The following SLC19A1 variants were observed in gnomAD, a reference collection of about 807,000 sequenced individuals.
SLC19A1 encodes the protein reduced folate transporter.
In SLC19A1, 37 loss-of-function variants were observed where a neutral mutation model predicts 35.3. That is an observed-to-expected ratio of 1.05 (90% CI 0.81 to 1.38). SLC19A1 has a LOEUF of 1.38. Among genes scored for constraint, SLC19A1 ranks in the 40% most tolerant of loss-of-function variants. The pLI is 0.00. For synonymous variants in SLC19A1, 460 were observed against 398.5 expected, an observed-to-expected ratio of 1.15 and a Z score of -1.84; for missense variants, 831 against 826.9, an observed-to-expected ratio of 1.00 and a Z score of -0.06.
chr21:45,542,880 G>A (rs36230821), upstream of SLC19A1, among the ~76,000 whole-genome samples: 236 of 150,074 alleles, frequency 1.6e-3, 2 homozygotes, highest in African/African-American at 5.4e-3. Context: ...ATTCCTGGCC[G>A]CAAGCTGGAT....
At chr21:45,557,317 C>T (rs747018334) in intron 1 of SLC19A1, among the ~76,000 whole-genome samples, 7 of 152,196 alleles carry the variant, frequency 4.6e-5, no homozygotes, top group Non-Finnish European at 5.9e-5. Context: ...CCTCGTGACA[C>T]CCTGGAGTCC....
chr21:45,525,672 TG>T, intron 5 of SLC19A1, 144 bp downstream of exon 5: 1 of 833,732 alleles, frequency 1.2e-6, no homozygotes, highest in Non-Finnish European at 1.9e-6. Context: ...CTCGCTGGCC[TG>T]GTGTGTCCCA....
chr21:45,512,170 G>A (rs1406375760), downstream of SLC19A1: 3 of 1,605,620 alleles, frequency 1.9e-6, no homozygotes, highest in Non-Finnish European at 2.5e-6. Flanking sequence ...TTGACTGACG[G>A]CCCGGCGCGT....
intron 5 of SLC19A1, among the ~76,000 whole-genome samples, chr21:45,520,157 A>T (rs893679825): frequency 2.0e-5 from 3 of 152,202 alleles, no homozygotes; most frequent in Admixed American, 6.5e-5. Flanking sequence ...ACAGCCTATT[A>T]AGATTTGTGG....
chr21:45,510,127 T>G (rs764313941), downstream of SLC19A1: 1 of 1,599,998 alleles, frequency 6.3e-7, no homozygotes, highest in South Asian at 1.1e-5. Context: ...CGGGGCCGAC[T>G]TCCAGTGCTT....
chr21:45,546,126 A>C (rs1016299655), upstream of SLC19A1, among the ~76,000 whole-genome samples: 2 of 152,260 alleles, frequency 1.3e-5, no homozygotes, highest in Non-Finnish European at 2.9e-5. Flanking sequence ...ACTAGCCCCA[A>C]GCCCAGGCCT....
At chr21:45,506,133 G>A in intron 3 of SLC19A1, 1 of 1,091,296 alleles carries the variant, frequency 9.2e-7, no homozygotes, top group Non-Finnish European at 1.3e-6. Context: ...ATACTTTTGT[G>A]AGCAGTTTTG....
chr21:45,510,157 G>A (rs1361373022), downstream of SLC19A1: 1 of 1,596,578 alleles, frequency 6.3e-7, no homozygotes, highest in Non-Finnish European at 8.5e-7. Context: ...GCGGGCCGTG[G>A]GGCTGGCGGG....
chr21:45,553,105 G>A (rs981233650), intron 1 of SLC19A1, among the ~76,000 whole-genome samples: 1 of 152,220 alleles, frequency 6.6e-6, no homozygotes, highest in African/African-American at 2.4e-5. Flanking sequence ...CAGGACCGGA[G>A]CGGGGGCCTC....
chr21:45,537,920 CG>C lies in SLC19A1; in HGVS notation c.39del (p.Val14TrpfsTer190), dbSNP rs1455959062. ...AGCTCGGGGTCAGGCCCAGGTTCCA[CG>C]GGCACCTGCTTCTCCACCGCTGGGC... ...PSSPAVEKQVPVEPGPDPELR... is the reference protein window; with the variant it reads ...PSSPAVEKQVXVEPGPDPELR... On this transcript the variant is annotated frameshift_variant, in exon 2 of 6. Transcript: ENST00000311124. LOFTEE classifies it high-confidence loss of function. 2.5e-6 allele frequency: 4 copies of C among 1,589,584 alleles called. No individual in the cohort carries two copies. In the African/African-American group the frequency reaches 4.0e-5, roughly 16 times the overall value.
chr21:45,524,178 T>C (rs1263602687), intron 5 of SLC19A1, among the ~76,000 whole-genome samples: 3 of 103,968 alleles, frequency 2.9e-5, no homozygotes, highest in African/African-American at 4.0e-5. Context: ...TCACCCTGAG[T>C]GTTCACGCCT....
intron 1 of SLC19A1, among the ~76,000 whole-genome samples, chr21:45,538,930 G>A (rs368318632): frequency 6.6e-6 from 1 of 152,260 alleles, no homozygotes; most frequent in South Asian, 2.1e-4. Context: ...GCAGCAGCAC[G>A]AAGCACACTC....
chr21:45,528,681 T>C (rs1419573978), intron 4 of SLC19A1, among the ~76,000 whole-genome samples: 1 of 152,196 alleles, frequency 6.6e-6, no homozygotes, highest in East Asian at 1.9e-4. Flanking sequence ...GAAACAAAAA[T>C]GTAGGTAGAA....
downstream of SLC19A1, among the ~76,000 whole-genome samples, chr21:45,510,679 TCTGTGGCCCCTTTTCGTGCACTGGG>T: frequency 1.3e-5 from 2 of 152,304 alleles, no homozygotes; most frequent in African/African-American, 4.8e-5. Flanking sequence ...GTGGCTTTAT[TCTGTGGCCCCTTTTCGTGCACTGGG>T]CTGTGGCTTC....
downstream of SLC19A1, chr21:45,510,118 G>A (rs745771086): frequency 7.5e-6 from 12 of 1,597,672 alleles, no homozygotes; most frequent in African/African-American, 1.3e-5. Flanking sequence ...GGGCATCCGC[G>A]GGGCCGACTT....
chr21:45,522,108 C>T (rs1233717382), intron 5 of SLC19A1, among the ~76,000 whole-genome samples: 1 of 151,892 alleles, frequency 6.6e-6, no homozygotes, highest in African/African-American at 2.4e-5. Flanking sequence ...CTGGAATACA[C>T]AAACCATGCT....
rs982120136 is a variant in SLC19A1 at position 45,537,785 on chromosome 21, A to C, written c.175T>G (p.Phe59Val). Reference protein sequence around the residue: ...TPYLLGPDKNFTREQVTNEIT... With the variant: ...TPYLLGPDKNVTREQVTNEIT... ...CACCCACATGCCTGCTCCCGCGTGA[A>C]GTTCTTGTCGGGCCCCAGGAGGTAG... Residue 59 changes from phenylalanine (F) to valine (V), a missense_variant, in exon 2 of 6, where the codon TTC becomes GTC. Physicochemically the swap from Phe to Val is conservative, Grantham distance 50 (BLOSUM62 -1). Transcript: ENST00000311124. The C allele has an allele frequency of 7.7e-7, 1 of 1,294,648 alleles. No individual in the cohort carries two copies. Among genetic ancestry groups the C allele is most frequent in the African/African-American group, 1.7e-5 (1 of 60,344 alleles). 80.2% of individuals were successfully genotyped at this position (1,294,648 alleles called of 1,614,324 possible).
chr21:45,531,788 T>C lies in SLC19A1; in HGVS notation c.550A>G (p.Thr184Ala). 2 of 1,601,678 alleles carry C rather than the reference T, an allele frequency of 1.2e-6. No homozygotes were observed. The highest frequency in any genetic ancestry group is 2.2e-5 in the South Asian group (2 of 89,632). ...LVTVGRVSFS[T>A]LNYISLAFLT... ...AAGGCCAGCGAGATGTAGTTGAGCGTGGAGAAGGAGACTCGGCCCACAGTG... is the reference window on the plus strand; with the variant it reads ...AAGGCCAGCGAGATGTAGTTGAGCGCGGAGAAGGAGACTCGGCCCACAGTG... The change falls in exon 3 of 6, where the codon ACG (threonine) becomes GCG (alanine). Residue 184 changes from threonine (T) to alanine (A), a missense_variant. Coordinates refer to ENST00000311124, the MANE Select transcript of SLC19A1 (RefSeq NM_194255.4).
downstream of SLC19A1, among the ~76,000 whole-genome samples, chr21:45,508,028 G>T (rs933688271): frequency 2.6e-5 from 4 of 152,022 alleles, no homozygotes; most frequent in African/African-American, 7.2e-5. Flanking sequence ...TGGAGAGGTG[G>T]GTGAGTGGAT....
Sources: gnomAD v4.1 joint callset for allele counts (sites outside exome capture counted in the v4.1 genomes callset) on GRCh38, gnomAD v4.1.1 for gene constraint, MANE v1.5 for transcripts, NCBI Gene and HGNC (gene_info 2026-07-23, HGNC 2026-07-21) for gene names.